SLC4A8: variants seen among roughly 807,000 people sequenced by gnomAD.
SLC4A8 encodes the protein solute carrier family 4 member 8, also known as electroneutral sodium bicarbonate exchanger 1.
Under a neutral mutation model 125.0 loss-of-function variants are expected in SLC4A8, and 40 were observed. That is an observed-to-expected ratio of 0.32 (90% CI 0.25 to 0.42). SLC4A8 has a LOEUF of 0.42. SLC4A8 is among the 10% of genes least tolerant of loss of function. The probability of loss-of-function intolerance (pLI) is 1.00; values close to 1 mark genes in which losing one functional copy is unlikely to be tolerated. For missense variants in SLC4A8, 863 were observed against 1,355.1 expected (o/e 0.64, Z 5.70); for synonymous variants, 456 against 476.0 (o/e 0.96, Z 0.55).
intron 1 of SLC4A8, among the ~76,000 whole-genome samples, chr12:51,418,048 C>G (rs10876176): frequency 0.93 from 141,032 of 152,296 alleles, 65,365 homozygotes; most frequent in Non-Finnish European, 0.95. Flanking sequence ...GACAGTAATC[C>G]TATCCTGATC....
Position 51,497,970 on chromosome 12 carries a change from G to C in SLC4A8, c.3081+846G>C, listed in dbSNP as rs143604174. ...GGAGGCTGAGGTGGGAGGATACCTT[G>C]AGCCCAGGAGGTTGAGGCTGCAGTG... On this transcript the variant is annotated intron_variant, in intron 22 of 24. Transcript: ENST00000453097. The C allele has an allele frequency of 3.8e-3, 584 of 151,954 alleles. 7 individuals are homozygous for C. The highest frequency in any genetic ancestry group is 0.018 in the South Asian group (85 of 4,808). The allele number at this position is 151,954 out of a possible 1,614,324, so 9.4% of individuals were successfully genotyped here.
At position 51,510,681 on chromosome 12, in the gene SLC4A8, A is replaced by C. The variant is rs1373293435; in HGVS notation, c.*3243A>C. The C allele has an allele frequency of 2.0e-5, 3 of 152,134 alleles. No individual in the cohort carries two copies. Among genetic ancestry groups the C allele is most frequent in the African/African-American group, 7.2e-5 (3 of 41,414 alleles). The allele number at this position is 152,134 out of a possible 1,614,324, so 9.4% of individuals were successfully genotyped here. On this transcript the variant is annotated 3_prime_UTR_variant, in exon 25 of 25. Coordinates refer to ENST00000453097, the MANE Select transcript of SLC4A8 (RefSeq NM_001039960.3). Reference sequence around the variant, plus strand: ...AACTTTGTCCCCTCTCTTTCTTTTCATGCAAGAGACTTTAAGGGTAACCTC... The same window carrying C: ...AACTTTGTCCCCTCTCTTTCTTTTCCTGCAAGAGACTTTAAGGGTAACCTC...
intron 2 of SLC4A8, among the ~76,000 whole-genome samples, chr12:51,447,938 C>A (rs1949831553): frequency 6.6e-6 from 1 of 151,998 alleles, no homozygotes; most frequent in African/African-American, 2.4e-5. Flanking sequence ...CCAGGATTGT[C>A]TTGATCTCCT....
At chr12:51,474,025 CAA>C (rs373437198) in intron 14 of SLC4A8, among the ~76,000 whole-genome samples, 2 of 17,944 alleles carry the variant, frequency 1.1e-4, no homozygotes, top group Non-Finnish European at 3.2e-4. Flanking sequence ...CGGGCAAAAA[CAA>C]AAAAACAAAA....
At chr12:51,438,226 T>C (rs1017863680) in intron 1 of SLC4A8, among the ~76,000 whole-genome samples, 21 of 152,188 alleles carry the variant, frequency 1.4e-4, no homozygotes, top group Admixed American at 6.5e-4. Flanking sequence ...CTAGAACTTA[T>C]TCTTCCTATA....
intron 24 of SLC4A8, among the ~76,000 whole-genome samples, chr12:51,507,002 A>AT (rs766270983): frequency 6.6e-6 from 1 of 151,878 alleles, no homozygotes; most frequent in East Asian, 1.9e-4. Flanking sequence ...TAGTCCTTCG[A>AT]TTAATTCCTT....
Position 51,424,979 on chromosome 12 carries a change from G to T in SLC4A8, c.-9G>T, listed in dbSNP as rs749973198. 3.2e-6 allele frequency: 5 copies of T among 1,552,770 alleles called. No individual in the cohort carries two copies. The highest frequency in any genetic ancestry group is 4.4e-6 in the Non-Finnish European group (5 of 1,148,358). On this transcript the variant is annotated 5_prime_UTR_variant, in exon 1 of 25. Transcript: ENST00000453097. ...GGAGCCCGTGGGGGAGACCTAGTTC[G>T]GCTCCGCCATGCCGGCCGCCGGGAG...
chr12:51,474,019 CAAAAACAA>C (rs1164636606), intron 14 of SLC4A8, among the ~76,000 whole-genome samples: 1 of 20,864 alleles, frequency 4.8e-5, no homozygotes, highest in East Asian at 1.3e-3. Context: ...AGAAATCGGG[CAAAAACAA>C]AAAAACAAAA....
In SLC4A8 at chr12:51,399,698, G is replaced by A. The variant is rs557123037; in HGVS notation, c.-112+8210G>A. 3.3e-5 allele frequency among the ~76,000 whole-genome samples: 5 copies of A among 152,204 alleles called. No individual in the cohort carries two copies. The East Asian group carries it at 9.7e-4, about 29-fold the overall frequency. ...ATCTTAAATCTAGCCTTTAAAACAT[G>A]TTGGGCCAGGCGTGGTGGCTCACGC... On this transcript the variant is annotated intron_variant, in intron 1 of 24. Coordinates refer to the SLC4A8 transcript ENST00000358657.
Position 51,424,919 on chromosome 12 carries a change from CCGACCAG to C in SLC4A8, c.-68_-62del. On this transcript the variant is annotated 5_prime_UTR_variant, in exon 1 of 25. The change creates a premature stop within an existing upstream ORF in the 5' untranslated region. Coordinates refer to ENST00000453097, the MANE Select transcript of SLC4A8 (RefSeq NM_001039960.3). The stretch of plus-strand genomic sequence containing the variant: ...CGCCGTTCGAGTGATCTGCTCAGAC[CCGACCAG>C]AGGGCGCGGGCTGCTGATGCTTGGC... 1.3e-6 allele frequency: 2 copies of C among 1,520,894 alleles called. No homozygotes were observed. Among genetic ancestry groups the C allele is most frequent in the South Asian group, 2.4e-5 (2 of 83,356 alleles). The allele number at this position is 1,520,894 out of a possible 1,614,324, so 94.2% of individuals were successfully genotyped here. A position where few individuals can be genotyped will look rare whatever the true frequency, so the allele number is the denominator to read the frequency against.
intron 18 of SLC4A8, among the ~76,000 whole-genome samples, chr12:51,489,395 G>A (rs943432996): frequency 6.6e-6 from 1 of 152,200 alleles, no homozygotes; most frequent in Admixed American, 6.5e-5. Flanking sequence ...TGGTCAAGAT[G>A]TGGCAGGGTG....
chr12:51,400,777 T>TATAC lies in SLC4A8; in HGVS notation c.-112+9290_-112+9291insTACA, dbSNP rs1948368552. ...ATATATATATATATATATATATATA[T>TATAC]ACATACATACACACACACACACACA... On this transcript the variant is annotated intron_variant, in intron 1 of 24. Coordinates refer to the SLC4A8 transcript ENST00000358657. 5.0e-4 allele frequency among the ~76,000 whole-genome samples: 5 copies of TATAC among 10,012 alleles called. 1 individual carries two copies. In the East Asian group the frequency reaches 0.013, roughly 27 times the overall value. The allele number at this position is 10,012 out of a possible 152,430, so 6.6% of individuals were successfully genotyped here.
intron 2 of SLC4A8, among the ~76,000 whole-genome samples, chr12:51,443,311 T>A (rs1012307832): frequency 6.6e-6 from 1 of 152,162 alleles, no homozygotes; most frequent in South Asian, 2.1e-4. Context: ...TTAAGAACTA[T>A]TTCTGAGATT....
In SLC4A8 at chr12:51,463,619, A is replaced by G. The variant is rs1950420968; in HGVS notation, c.1254A>G (p.Lys418=). The G allele has an allele frequency of 6.2e-7, 1 of 1,612,814 alleles. No individual in the cohort carries two copies. Among genetic ancestry groups the G allele is most frequent in the African/African-American group, 1.3e-5 (1 of 74,890 alleles). ...EPPKNVPSQE[K]RKMPGVPNGN... is the part of the protein sequence containing the mutation. Reference sequence around the variant, plus strand: ...TTGTGGTCTTCTGTTAAAAGGAGAAAAGGAAAATGCCTGGAGTTCCAAATG... The same window carrying G: ...TTGTGGTCTTCTGTTAAAAGGAGAAGAGGAAAATGCCTGGAGTTCCAAATG... The change falls in exon 11 of 25, where the codon AAA becomes AAG. Residue 418 remains lysine (K), a synonymous_variant. Coordinates refer to ENST00000453097, the MANE Select transcript of SLC4A8 (RefSeq NM_001039960.3).
At chr12:51,414,267 A>G (rs900143216) in intron 1 of SLC4A8, among the ~76,000 whole-genome samples, 2 of 150,410 alleles carry the variant, frequency 1.3e-5, no homozygotes, top group Non-Finnish European at 3.0e-5. Context: ...TTATAGGTTT[A>G]CCTTGTATAC....
Position 51,475,218 on chromosome 12 carries a change from G to C in SLC4A8, c.2172+12G>C. ...ATTTCCCAACCAGAGTAGGTAGCAT[G>C]TTCATGCATTTCTTTCACGTTAGAA... On this transcript the variant is annotated intron_variant, in intron 16 of 24. Coordinates refer to ENST00000453097, the MANE Select transcript of SLC4A8 (RefSeq NM_001039960.3). 1.9e-6 allele frequency: 3 copies of C among 1,612,924 alleles called. No homozygotes were observed. Among genetic ancestry groups the C allele is most frequent in the Non-Finnish European group, 2.5e-6 (3 of 1,179,010 alleles).
At chr12:51,429,161 C>A (rs1211242363) in intron 1 of SLC4A8, among the ~76,000 whole-genome samples, 2 of 152,176 alleles carry the variant, frequency 1.3e-5, no homozygotes, top group African/African-American at 4.8e-5. Flanking sequence ...ATCCACCTGC[C>A]TCGGCCTCCC....
Position 51,453,470 on chromosome 12 carries a change from A to G in SLC4A8, c.414-69A>G, listed in dbSNP as rs958049948. 4.0e-6 allele frequency: 6 copies of G among 1,492,660 alleles called. No individual in the cohort carries two copies. In the African/African-American group the frequency reaches 4.1e-5, roughly 10 times the overall value. The allele number at this position is 1,492,660 out of a possible 1,614,324, so 92.5% of individuals were successfully genotyped here. A position where few individuals can be genotyped will look rare whatever the true frequency, so the allele number is the denominator to read the frequency against. On this transcript the variant is annotated intron_variant, in intron 4 of 24. Transcript: ENST00000453097. The stretch of plus-strand genomic sequence containing the variant: ...CCAGATATCTTCCTCTGTGGCTCAC[A>G]TCGAAGATTCTCTCTTAAAAATTCC...
intron 1 of SLC4A8, chr12:51,393,015 C>T (rs1287427230): frequency 6.6e-6 from 1 of 151,988 alleles, no homozygotes; most frequent in African/African-American, 2.4e-5. Flanking sequence ...CTTTCTGCTG[C>T]CCCGCCTCCC....
Sources: gnomAD v4.1 joint callset for allele counts (sites outside exome capture counted in the v4.1 genomes callset) on GRCh38, gnomAD v4.1.1 for gene constraint, MANE v1.5 for transcripts, NCBI Gene and HGNC (gene_info 2026-07-23, HGNC 2026-07-21) for gene names.